The following CSGALNACT1 variants were observed in gnomAD, a reference collection of about 807,000 sequenced individuals.
CSGALNACT1 encodes chondroitin sulfate N-acetylgalactosaminyltransferase 1.
CSGALNACT1 carries 52 observed loss-of-function variants against 51.0 expected under a neutral mutation model. That is an observed-to-expected ratio of 1.02 (90% CI 0.82 to 1.29). The LOEUF is 1.29. Ranked by LOEUF, CSGALNACT1 falls within the 50% of genes most tolerant of loss-of-function variation. The pLI, the probability that CSGALNACT1 is intolerant of heterozygous loss-of-function variation, is 0.00. For synonymous variants in CSGALNACT1, 341 were observed against 254.4 expected (o/e 1.34, Z -3.24); for missense variants, 935 against 679.2 (o/e 1.38, Z -4.19).
chr8:19,683,125 G>A (rs915124972), upstream of CSGALNACT1: 1 of 214,298 alleles, frequency 4.7e-6, no homozygotes, highest in Non-Finnish European at 9.6e-6. Flanking sequence ...TGTCAGATCA[G>A]GTGTTAGGAT....
intron 4 of CSGALNACT1, among the ~76,000 whole-genome samples, chr8:19,484,693 C>T (rs2072414533): frequency 6.6e-6 from 1 of 152,192 alleles, no homozygotes; most frequent in Non-Finnish European, 1.5e-5. Flanking sequence ...CCAAAATTCA[C>T]ATGTTGAAAC....
At chr8:19,704,090 T>C (rs1442470597) in intron 1 of CSGALNACT1, among the ~76,000 whole-genome samples, 1 of 152,216 alleles carries the variant, frequency 6.6e-6, no homozygotes, top group Non-Finnish European at 1.5e-5. Context: ...AGAATGAGAA[T>C]GCTCTGAATT....
intron 4 of CSGALNACT1, among the ~76,000 whole-genome samples, chr8:19,490,058 C>T (rs971016010): frequency 3.9e-5 from 6 of 152,154 alleles, no homozygotes; most frequent in African/African-American, 7.2e-5. Flanking sequence ...CTTTTGATGG[C>T]CCCCAAATAT....
intron 1 of CSGALNACT1, among the ~76,000 whole-genome samples, chr8:19,638,925 T>C (rs1195586884): frequency 6.6e-6 from 1 of 152,168 alleles, no homozygotes; most frequent in Non-Finnish European, 1.5e-5. Flanking sequence ...CAGTTAAAAC[T>C]ACCACATACA....
At chr8:19,519,151 G>T (rs1348850850) in intron 3 of CSGALNACT1, among the ~76,000 whole-genome samples, 1 of 152,154 alleles carries the variant, frequency 6.6e-6, no homozygotes, top group South Asian at 2.1e-4. Context: ...TGTTCACTTT[G>T]AGTCTAAGGT....
chr8:19,567,999 G>C (rs558462657), intron 3 of CSGALNACT1, among the ~76,000 whole-genome samples: 2 of 151,970 alleles, frequency 1.3e-5, no homozygotes, highest in Non-Finnish European at 2.9e-5. Flanking sequence ...AGTAGCTCAG[G>C]TATGTATATA....
intron 3 of CSGALNACT1, among the ~76,000 whole-genome samples, chr8:19,576,726 A>C (rs1169236516): frequency 6.6e-6 from 1 of 150,572 alleles, no homozygotes; most frequent in Non-Finnish European, 1.5e-5. Context: ...TTTCTAACCC[A>C]CCTGCTGATT....
chr8:19,728,487 G>C (rs1486917638), intron 1 of CSGALNACT1, among the ~76,000 whole-genome samples: 1 of 152,200 alleles, frequency 6.6e-6, no homozygotes, highest in Admixed American at 6.5e-5. Flanking sequence ...GTGAGCTGAA[G>C]ATAGAATTTC....
At chr8:19,519,159 G>T (rs2080146078) in intron 3 of CSGALNACT1, among the ~76,000 whole-genome samples, 1 of 152,176 alleles carries the variant, frequency 6.6e-6, no homozygotes, top group Non-Finnish European at 1.5e-5. Context: ...TTGAGTCTAA[G>T]GTAGTGACCT....
intron 2 of CSGALNACT1, among the ~76,000 whole-genome samples, chr8:19,599,520 G>GAAAGAAAGAAAGAAAGAAAAGA (rs1554751495): frequency 1.6e-5 from 2 of 127,156 alleles, no homozygotes; most frequent in Admixed American, 7.9e-5. Context: ...AAGAAAGAAA[G>GAAAGAAAGAAAGAAAGAAAAGA]AAAGAAAAGA....
chr8:19,514,475 CTATATATATATATATATATATATATA>C lies in CSGALNACT1; in HGVS notation c.-296-8371_-296-8346del, dbSNP rs33928915. 5.1e-4 allele frequency among the ~76,000 whole-genome samples: 40 copies of C among 78,782 alleles called. 1 individual carries two copies. Among genetic ancestry groups the C allele is most frequent in the Non-Finnish European group, 5.9e-4 (25 of 42,516 alleles). 51.7% of individuals were successfully genotyped at this position (78,782 alleles called of 152,430 possible). A position where few individuals can be genotyped will look rare whatever the true frequency, so the allele number is the denominator to read the frequency against. ...GCATCATATGACTTTTGAACAGAGA[CTATATATATATATATATATATATATA>C]TATATATATACATGTATCTATTTAA... is the stretch of plus-strand genomic sequence containing the variant. On this transcript the variant is annotated intron_variant, in intron 3 of 9. Coordinates refer to ENST00000454498, the Ensembl canonical transcript of CSGALNACT1.
chr8:19,658,998 T>C (rs2058537734), intron 1 of CSGALNACT1, among the ~76,000 whole-genome samples: 4 of 152,092 alleles, frequency 2.6e-5, no homozygotes, highest in Admixed American at 2.6e-4. Context: ...TCATAAATGT[T>C]TTTTTTCCCA....
intron 2 of CSGALNACT1, among the ~76,000 whole-genome samples, chr8:19,592,321 T>A (rs2047992839): frequency 6.6e-6 from 1 of 152,202 alleles, no homozygotes; most frequent in African/African-American, 2.4e-5. Context: ...ATATCCTTAT[T>A]CTTAGGAAAT....
At chr8:19,436,431 T>C (rs2060386403) in intron 6 of CSGALNACT1, among the ~76,000 whole-genome samples, 1 of 152,190 alleles carries the variant, frequency 6.6e-6, no homozygotes, top group South Asian at 2.1e-4. Flanking sequence ...TAAGCCTCAG[T>C]GTCTTTACAT....
chr8:19,680,558 CG>C (rs1379146766), intron 1 of CSGALNACT1, among the ~76,000 whole-genome samples: 12 of 33,078 alleles, frequency 3.6e-4, no homozygotes, highest in East Asian at 9.8e-4. Flanking sequence ...TCTGCACCCT[CG>C]CCCCACCCCC....
At chr8:19,472,097 A>G (rs551290810) in intron 4 of CSGALNACT1, among the ~76,000 whole-genome samples, 3 of 152,354 alleles carry the variant, frequency 2.0e-5, no homozygotes, top group African/African-American at 4.8e-5. Context: ...CTTGGACTCA[A>G]TGGAGTTTAA....
At chr8:19,506,523 C>T (rs1316580532) in intron 3 of CSGALNACT1, among the ~76,000 whole-genome samples, 2 of 152,172 alleles carry the variant, frequency 1.3e-5, no homozygotes, top group Non-Finnish European at 2.9e-5. Flanking sequence ...GACTACTTGG[C>T]CGGAGACTGT....
At chr8:19,662,935 A>C (rs1363168126) in intron 1 of CSGALNACT1, among the ~76,000 whole-genome samples, 1 of 152,210 alleles carries the variant, frequency 6.6e-6, no homozygotes, top group African/African-American at 2.4e-5. Flanking sequence ...CAAAGGCAGA[A>C]ACCCAAACAT....
chr8:19,623,254 A>C (rs2054051323), intron 1 of CSGALNACT1, among the ~76,000 whole-genome samples: 1 of 152,232 alleles, frequency 6.6e-6, no homozygotes, highest in Non-Finnish European at 1.5e-5. Context: ...CATGTCCTTG[A>C]GACAAAGAAA....
Sources: allele counts gnomAD v4.1 joint callset (sites outside exome capture counted in the v4.1 genomes callset), GRCh38; gene constraint gnomAD v4.1.1; transcripts MANE v1.5; gene names NCBI Gene and HGNC (gene_info 2026-07-23, HGNC 2026-07-21).